Variants in FRMD3 observed in about 807,000 individuals in gnomAD.
FRMD3 encodes FERM domain-containing protein 3.
FRMD3 carries 33 observed loss-of-function variants against 70.2 expected under a neutral mutation model. That is an observed-to-expected ratio of 0.47 (90% CI 0.36 to 0.63). The LOEUF (loss-of-function observed/expected upper bound fraction) is 0.63, where lower values mean the gene tolerates loss of function less well. FRMD3 is among the 20% of genes least tolerant of loss of function. The pLI is 0.00. For missense variants in FRMD3, 632 were observed against 711.4 expected (o/e 0.89, Z 1.27); for synonymous variants, 279 against 255.9 (o/e 1.09, Z -0.86).
At position 83,248,366 on chromosome 9, in the gene FRMD3, G is replaced by A; in HGVS notation, c.1346C>T (p.Pro449Leu). 1 of 1,614,084 alleles carries A rather than the reference G, an allele frequency of 6.2e-7. No homozygotes were observed. The highest frequency in any genetic ancestry group is 2.2e-5 in the East Asian group (1 of 44,878). Reference protein sequence around the residue: ...PLTISELVYNPSASLLPTPVD... With the variant: ...PLTISELVYNLSASLLPTPVD... ...AGGGGTGGGGAGCAGGCTGGCACTTGGGTTGTACACTAGTTCAGAGATGGT... is the reference window on the plus strand; with the variant it reads ...AGGGGTGGGGAGCAGGCTGGCACTTAGGTTGTACACTAGTTCAGAGATGGT... The change falls in exon 14 of 14, where the codon CCA becomes CTA. Residue 449 changes from proline (P) to leucine (L), a missense_variant. By Grantham distance (98) the Pro-to-Leu change is moderately conservative. Coordinates refer to ENST00000304195, the MANE Select transcript of FRMD3 (RefSeq NM_174938.6).
At chr9:83,409,885 C>A (rs778070235) in intron 1 of FRMD3, among the ~76,000 whole-genome samples, 1 of 152,156 alleles carries the variant, frequency 6.6e-6, no homozygotes, top group African/African-American at 2.4e-5. Flanking sequence ...TAAGCTCTTC[C>A]GTTTTCCAAC....
At chr9:83,308,483 C>G (rs1835225883) in intron 10 of FRMD3, among the ~76,000 whole-genome samples, 1 of 152,108 alleles carries the variant, frequency 6.6e-6, no homozygotes, top group African/African-American at 2.4e-5. Flanking sequence ...ATCAGGAAGA[C>G]AGAATCTCAC....
rs761983764 is a variant in FRMD3 at position 83,407,837 on chromosome 9, G to GTCTCTCTCTCTCTCTCTCTCTCTC, written c.148-18153_148-18130dup. The stretch of plus-strand genomic sequence containing the variant: ...GCCAGCAGAGGAGGGGGGTTGTTGA[G>GTCTCTCTCTCTCTCTCTCTCTCTC]TCTCTCTCTCTCTCTCTCTCTCTCT... On this transcript the variant is annotated intron_variant, in intron 1 of 13. Transcript: ENST00000304195. Among the ~76,000 whole-genome samples, 34 of 103,658 alleles carry GTCTCTCTCTCTCTCTCTCTCTCTC rather than the reference G, an allele frequency of 3.3e-4. 1 individual carries two copies. The highest frequency in any genetic ancestry group is 8.5e-4 in the African/African-American group (22 of 26,022). The allele number at this position is 103,658 out of a possible 152,430, so 68.0% of individuals were successfully genotyped here.
the FRMD3 span, among the ~76,000 whole-genome samples, chr9:83,582,451 T>C: frequency 6.6e-6 from 1 of 152,236 alleles, no homozygotes; most frequent in African/African-American, 2.4e-5. Context: ...AGTATCTGTT[T>C]TACTGTGGAT....
intron 5 of FRMD3, among the ~76,000 whole-genome samples, chr9:83,338,470 G>C (rs1447651042): frequency 1.3e-5 from 2 of 152,140 alleles, no homozygotes; most frequent in Non-Finnish European, 2.9e-5. Context: ...GAGGCAACTT[G>C]GGTGTTTATT....
At position 83,364,337 on chromosome 9, in the gene FRMD3, T is replaced by C. The variant is rs560698935; in HGVS notation, c.295+8576A>G. Among the ~76,000 whole-genome samples the C allele has an allele frequency of 3.9e-5, 6 of 152,260 alleles. No homozygotes were observed. The East Asian group carries it at 1.2e-3, about 29-fold the overall frequency. The stretch of plus-strand genomic sequence containing the variant: ...ACTCTGGGAGACTGAGGCGGGGGCG[T>C]CACAAGGTCAAGAGATCGAGACCAT... On this transcript the variant is annotated intron_variant, in intron 3 of 13. Coordinates refer to ENST00000304195, the MANE Select transcript of FRMD3 (RefSeq NM_174938.6).
At chr9:83,398,185 AC>A (rs1449904918) in intron 1 of FRMD3, among the ~76,000 whole-genome samples, 1 of 152,214 alleles carries the variant, frequency 6.6e-6, no homozygotes, top group African/African-American at 2.4e-5. Context: ...CACAGCTTTA[AC>A]AAAAACTGCA....
chr9:83,272,530 C>G lies in FRMD3; in HGVS notation c.1195+18073G>C, dbSNP rs149541255. On this transcript the variant is annotated intron_variant, in intron 13 of 13. Transcript: ENST00000304195. The stretch of plus-strand genomic sequence containing the variant: ...TGCAGCTTCTGCCCGGCCGCCACCC[C>G]CTCTGGGAAGTGAGGAGCATCTCTG... 6.4e-3 allele frequency among the ~76,000 whole-genome samples: 971 copies of G among 152,308 alleles called. 14 individuals are homozygous for G. Among genetic ancestry groups the G allele is most frequent in the African/African-American group, 0.021 (864 of 41,574 alleles).
rs937343091 is a variant in FRMD3 at position 83,246,123 on chromosome 9, T to C, written c.*1795A>G. 4.1e-6 allele frequency: 4 copies of C among 984,878 alleles called. No individual in the cohort carries two copies. The African/African-American group carries it at 7.0e-5, about 17-fold the overall frequency. 61.0% of individuals were successfully genotyped at this position (984,878 alleles called of 1,614,324 possible). A position where few individuals can be genotyped will look rare whatever the true frequency, so the allele number is the denominator to read the frequency against. ...GTGAAGTACTCAGAGCTCCACTGAG[T>C]GAGTGGAAATGTATTGCCCAATTTA... is the stretch of plus-strand genomic sequence containing the variant. On this transcript the variant is annotated 3_prime_UTR_variant, in exon 14 of 14. Transcript: ENST00000304195.
chr9:83,306,006 T>C (rs1587704183), intron 10 of FRMD3, among the ~76,000 whole-genome samples: 1 of 152,216 alleles, frequency 6.6e-6, no homozygotes, highest in Non-Finnish European at 1.5e-5. Context: ...ACCCAAAATG[T>C]GTAAAACACA....
rs56369819 is a variant in FRMD3 at position 83,445,341 on chromosome 9, A to AATAGATAGATAGATAG, written c.148-55649_148-55634dup. ...AGAGCTAGACCCTATCTCAAAAATA[A>AATAGATAGATAGATAG]ATAGATAGATAGATAGATAGATAGA... On this transcript the variant is annotated intron_variant, in intron 1 of 13. Coordinates refer to ENST00000304195, the MANE Select transcript of FRMD3 (RefSeq NM_174938.6). Among the ~76,000 whole-genome samples the AATAGATAGATAGATAG allele has an allele frequency of 3.9e-4, 57 of 146,660 alleles. 1 individual carries two copies. The highest frequency in any genetic ancestry group is 9.1e-4 in the South Asian group (4 of 4,414).
At chr9:83,521,834 A>G (rs141060183) in intron 1 of FRMD3, among the ~76,000 whole-genome samples, 4 of 152,308 alleles carry the variant, frequency 2.6e-5, no homozygotes, top group African/African-American at 9.6e-5. Flanking sequence ...TCTATGCTCA[A>G]CCTTTGCTAG....
chr9:83,418,133 A>G (rs1826511284), intron 1 of FRMD3, among the ~76,000 whole-genome samples: 1 of 152,074 alleles, frequency 6.6e-6, no homozygotes, highest in Admixed American at 6.5e-5. Context: ...GGGATATTTC[A>G]AATTAGAAAG....
intron 4 of FRMD3, among the ~76,000 whole-genome samples, chr9:83,344,180 C>T (rs1823871793): frequency 6.6e-6 from 1 of 152,252 alleles, no homozygotes; most frequent in African/African-American, 2.4e-5. Context: ...TTCTTTCATT[C>T]CAGGCTCAGG....
chr9:83,406,880 A>G (rs1237928937), intron 1 of FRMD3, among the ~76,000 whole-genome samples: 2 of 152,096 alleles, frequency 1.3e-5, no homozygotes, highest in Non-Finnish European at 2.9e-5. Flanking sequence ...TTTATTTTCC[A>G]TATTTTCCTC....
chr9:83,397,100 G>C (rs1350531879), intron 1 of FRMD3, among the ~76,000 whole-genome samples: 1 of 152,162 alleles, frequency 6.6e-6, no homozygotes, highest in Non-Finnish European at 1.5e-5. Context: ...TCAGCATAGC[G>C]TTTTGGTGTT....
At chr9:83,490,798 T>TCTCTCACACACA (rs752047493) in intron 1 of FRMD3, among the ~76,000 whole-genome samples, 2 of 110,716 alleles carry the variant, frequency 1.8e-5, no homozygotes, top group Admixed American at 9.8e-5. Flanking sequence ...TCTCTCTCTC[T>TCTCTCACACACA]CACACACACA....
At chr9:83,342,026 G>A (rs1414010232) in intron 5 of FRMD3, among the ~76,000 whole-genome samples, 2 of 145,370 alleles carry the variant, frequency 1.4e-5, no homozygotes, top group African/African-American at 2.7e-5. Flanking sequence ...CAGATCCATT[G>A]GAAGATTGAC....
intron 1 of FRMD3, among the ~76,000 whole-genome samples, chr9:83,438,618 T>C (rs1382438249): frequency 1.3e-5 from 2 of 152,136 alleles, no homozygotes; most frequent in East Asian, 3.9e-4. Context: ...CAGGCTGTTC[T>C]CGAACTCCTA....
Sources: gnomAD v4.1 joint callset for allele counts (sites outside exome capture counted in the v4.1 genomes callset) on GRCh38, gnomAD v4.1.1 for gene constraint, MANE v1.5 for transcripts, NCBI Gene and HGNC (gene_info 2026-07-23, HGNC 2026-07-21) for gene names.